Variants in NAALADL2 observed in about 807,000 individuals in gnomAD.
NAALADL2 encodes N-acetylated alpha-linked acidic dipeptidase like 2, also known as inactive N-acetylated-alpha-linked acidic dipeptidase-like protein 2.
A neutral mutation model predicts 87.2 loss-of-function variants in NAALADL2; 76 were observed. The ratio of observed to expected loss-of-function variants is 0.87; its 90% CI spans 0.72 to 1.05. The LOEUF (loss-of-function observed/expected upper bound fraction) is 1.05. Among genes scored for constraint, NAALADL2 ranks in the 50% least tolerant of loss-of-function variants. The pLI, the probability that NAALADL2 is intolerant of heterozygous loss-of-function variation, is 0.00. For synonymous variants in NAALADL2, 354 were observed against 331.0 expected (o/e 1.07, Z -0.75); for missense variants, 1,089 against 945.8 (o/e 1.15, Z -1.99).
At chr3:174,694,936 A>G (rs1414133512) in intron 2 of NAALADL2, among the ~76,000 whole-genome samples, 1 of 151,982 alleles carries the variant, frequency 6.6e-6, no homozygotes, top group Non-Finnish European at 1.5e-5. Context: ...TAAAATTCCA[A>G]GGGCTCTAAA....
intron 2 of NAALADL2, among the ~76,000 whole-genome samples, chr3:174,648,881 TGAG>T (rs1445837180): frequency 6.6e-6 from 1 of 152,124 alleles, no homozygotes. Flanking sequence ...ACATATGTGT[TGAG>T]AGAGAGAGGT....
chr3:175,384,714 ATATT>A (rs1260193336), intron 5 of NAALADL2, among the ~76,000 whole-genome samples: 4 of 151,140 alleles, frequency 2.6e-5, no homozygotes, highest in East Asian at 3.9e-4. Flanking sequence ...TATTACCAAT[ATATT>A]TATTTATTAC....
At chr3:174,831,959 C>G (rs1481115837) in intron 3 of NAALADL2, among the ~76,000 whole-genome samples, 1 of 151,650 alleles carries the variant, frequency 6.6e-6, no homozygotes, top group African/African-American at 2.4e-5. Context: ...GTGATATCCC[C>G]TTTATCATTT....
intron 5 of NAALADL2, among the ~76,000 whole-genome samples, chr3:175,374,219 TC>T (rs2148960065): frequency 6.6e-6 from 1 of 152,178 alleles, no homozygotes; most frequent in Admixed American, 6.5e-5. Flanking sequence ...CCTTCTCCTT[TC>T]CCTATCATAA....
intron 3 of NAALADL2, among the ~76,000 whole-genome samples, chr3:175,255,889 A>G (rs1749851144): frequency 6.6e-6 from 1 of 152,240 alleles, no homozygotes; most frequent in East Asian, 1.9e-4. Context: ...ATTCTGCACG[A>G]CTCAAGGATT....
chr3:175,526,799 G>T (rs757931196), intron 9 of NAALADL2, among the ~76,000 whole-genome samples: 1 of 152,048 alleles, frequency 6.6e-6, no homozygotes, highest in Non-Finnish European at 1.5e-5. Context: ...ACTTTCTTCC[G>T]GGGAAAACCG....
At chr3:174,656,416 C>G (rs566853447) in intron 2 of NAALADL2, among the ~76,000 whole-genome samples, 1 of 152,232 alleles carries the variant, frequency 6.6e-6, no homozygotes, top group South Asian at 2.1e-4. Context: ...TTCCTAATGA[C>G]TTTAAAGAAG....
intron 3 of NAALADL2, among the ~76,000 whole-genome samples, chr3:174,830,506 G>T (rs1579107226): frequency 6.6e-6 from 1 of 151,566 alleles, no homozygotes; most frequent in Non-Finnish European, 1.5e-5. Flanking sequence ...TGCTGTTTTG[G>T]TTACTGTAGC....
chr3:175,700,034 A>G (rs1028786416), intron 11 of NAALADL2, among the ~76,000 whole-genome samples: 2 of 152,126 alleles, frequency 1.3e-5, no homozygotes, highest in Admixed American at 1.3e-4. Context: ...AAAACTTGTC[A>G]TATTAATTTT....
chr3:174,514,302 G>A (rs1404619868), intron 1 of NAALADL2, among the ~76,000 whole-genome samples: 1 of 151,986 alleles, frequency 6.6e-6, no homozygotes, highest in African/African-American at 2.4e-5. Context: ...CATGCCACTC[G>A]CTGCCTTAAA....
At chr3:175,098,551 G>A (rs1721559994) in intron 2 of NAALADL2, among the ~76,000 whole-genome samples, 1 of 152,148 alleles carries the variant, frequency 6.6e-6, no homozygotes, top group African/African-American at 2.4e-5. Flanking sequence ...GACAGAGAGA[G>A]GGAAATACCT....
intron 2 of NAALADL2, among the ~76,000 whole-genome samples, chr3:174,553,100 C>T (rs972781982): frequency 2.6e-5 from 4 of 152,086 alleles, no homozygotes; most frequent in Non-Finnish European, 5.9e-5. Flanking sequence ...GAACTAAATT[C>T]TATTTCATTC....
chr3:175,676,014 G>A (rs1734720384), intron 11 of NAALADL2: 1 of 152,094 alleles, frequency 6.6e-6, no homozygotes, highest in Admixed American at 6.6e-5. Flanking sequence ...ACTTTAGAGT[G>A]TGCCCATCAA....
intron 1 of NAALADL2, among the ~76,000 whole-genome samples, chr3:175,083,743 C>G (rs1208433471): frequency 6.6e-6 from 1 of 152,086 alleles, no homozygotes; most frequent in Non-Finnish European, 1.5e-5. Flanking sequence ...TATTACTATC[C>G]TATTCTGAAG....
At chr3:175,673,672 G>A (rs981249809) in intron 11 of NAALADL2, among the ~76,000 whole-genome samples, 36 of 151,866 alleles carry the variant, frequency 2.4e-4, no homozygotes, top group Admixed American at 2.6e-4. Flanking sequence ...ATTTCCTCAT[G>A]TTTATGTTCC....
intron 3 of NAALADL2, among the ~76,000 whole-genome samples, chr3:174,787,435 T>G (rs1246421102): frequency 6.6e-6 from 1 of 150,692 alleles, no homozygotes; most frequent in African/African-American, 2.4e-5. Flanking sequence ...GTTGAAACTA[T>G]TAAGACTACA....
chr3:175,078,272 G>C (rs188879856), intron 1 of NAALADL2, among the ~76,000 whole-genome samples: 1 of 151,946 alleles, frequency 6.6e-6, no homozygotes, highest in African/African-American at 2.4e-5. Flanking sequence ...TGATCTGCCC[G>C]CATTGGCCTC....
intron 1 of NAALADL2, among the ~76,000 whole-genome samples, chr3:174,876,031 T>C (rs1262203531): frequency 6.6e-6 from 1 of 152,108 alleles, no homozygotes; most frequent in Non-Finnish European, 1.5e-5. Context: ...TCAAGAATTA[T>C]ACAAAACAGT....
intron 5 of NAALADL2, among the ~76,000 whole-genome samples, chr3:175,331,328 C>T (rs1761371106): frequency 6.6e-6 from 1 of 152,102 alleles, no homozygotes; most frequent in Non-Finnish European, 1.5e-5. Context: ...GATACCAAAA[C>T]CAGGCAAGAA....
Sources: gnomAD v4.1 joint callset for allele counts (sites outside exome capture counted in the v4.1 genomes callset) on GRCh38, gnomAD v4.1.1 for gene constraint, MANE v1.5 for transcripts, NCBI Gene and HGNC (gene_info 2026-07-23, HGNC 2026-07-21) for gene names.